The following MAGI2 variants were observed in gnomAD, a reference collection of about 807,000 sequenced individuals.
The protein encoded by MAGI2 is membrane associated guanylate kinase, WW and PDZ domain containing 2, also known as membrane-associated guanylate kinase, WW and PDZ domain-containing protein 2.
In MAGI2, 35 loss-of-function variants were observed where a neutral mutation model predicts 133.3. The observed-to-expected ratio is 0.26, with a 90% CI of 0.20 to 0.35. The LOEUF (loss-of-function observed/expected upper bound fraction) is 0.35. Ranked by LOEUF, MAGI2 falls within the 10% of genes least tolerant of loss-of-function variation. MAGI2 has a pLI of 1.00. For missense variants in MAGI2, 1,636 were observed against 1,863.4 expected, an observed-to-expected ratio of 0.88 and a Z score of 2.25; for synonymous variants, 729 against 710.6, an observed-to-expected ratio of 1.03 and a Z score of -0.41.
chr7:79,369,755 A>G (rs1218069512), intron 1 of MAGI2, among the ~76,000 whole-genome samples: 1 of 152,142 alleles, frequency 6.6e-6, no homozygotes, highest in Non-Finnish European at 1.5e-5. Flanking sequence ...ATTGCTTTTC[A>G]GGTGTTTGTA....
At chr7:78,176,053 G>A (rs894717307) in intron 14 of MAGI2, among the ~76,000 whole-genome samples, 1 of 152,142 alleles carries the variant, frequency 6.6e-6, no homozygotes, top group Non-Finnish European at 1.5e-5. Context: ...AGGGCAGGGA[G>A]GCTGGAGGGC....
intron 2 of MAGI2, among the ~76,000 whole-genome samples, chr7:78,634,458 G>C (rs1809412076): frequency 6.6e-6 from 1 of 152,188 alleles, no homozygotes. Flanking sequence ...TACGTCAATG[G>C]GCAAGGCAGT....
chr7:78,745,629 T>C (rs1013095410), intron 2 of MAGI2, among the ~76,000 whole-genome samples: 2 of 152,208 alleles, frequency 1.3e-5, no homozygotes, highest in Non-Finnish European at 2.9e-5. Flanking sequence ...GAAGAATTAA[T>C]GAGTCAAGTC....
chr7:78,937,169 C>G (rs1800578975), intron 2 of MAGI2, among the ~76,000 whole-genome samples: 1 of 151,736 alleles, frequency 6.6e-6, no homozygotes, highest in Non-Finnish European at 1.5e-5. Context: ...TCAAGGGGTA[C>G]AGAAGCCAGT....
chr7:78,420,268 C>T (rs1798677756), intron 6 of MAGI2, among the ~76,000 whole-genome samples: 1 of 152,122 alleles, frequency 6.6e-6, no homozygotes, highest in South Asian at 2.1e-4. Flanking sequence ...ACAGTCCACA[C>T]CAACTGTTCT....
intron 2 of MAGI2, among the ~76,000 whole-genome samples, chr7:78,743,306 G>A (rs982797850): frequency 6.6e-6 from 1 of 152,140 alleles, no homozygotes; most frequent in African/African-American, 2.4e-5. Flanking sequence ...TGTTTAATGT[G>A]TCTGAAGGCA....
At chr7:78,144,363 T>C (rs1298697598) in intron 16 of MAGI2, among the ~76,000 whole-genome samples, 1 of 152,192 alleles carries the variant, frequency 6.6e-6, no homozygotes, top group Non-Finnish European at 1.5e-5. Flanking sequence ...CTTCTTATTC[T>C]GATAGAGGAT....
intron 13 of MAGI2, among the ~76,000 whole-genome samples, chr7:78,179,255 G>C (rs1324715938): frequency 6.6e-6 from 1 of 152,246 alleles, no homozygotes; most frequent in Non-Finnish European, 1.5e-5. Context: ...AAACAGGATA[G>C]TTGTAGAAAT....
At chr7:78,656,033 A>T (rs1812239089) in intron 2 of MAGI2, among the ~76,000 whole-genome samples, 1 of 151,420 alleles carries the variant, frequency 6.6e-6, no homozygotes, top group Admixed American at 6.6e-5. Flanking sequence ...TTGCTATTGC[A>T]CTTGAGGGAA....
intron 1 of MAGI2, among the ~76,000 whole-genome samples, chr7:79,089,485 C>A (rs1289964050): frequency 2.6e-5 from 4 of 152,012 alleles, no homozygotes; most frequent in African/African-American, 9.7e-5. Flanking sequence ...AATCATGCTA[C>A]TATAAAGACA....
At chr7:78,163,670 G>A (rs1295215311) in intron 15 of MAGI2, among the ~76,000 whole-genome samples, 1 of 152,008 alleles carries the variant, frequency 6.6e-6, no homozygotes, top group Admixed American at 6.6e-5. Context: ...CCTTTGGGAG[G>A]CCGAGGCGGG....
In MAGI2 at chr7:78,350,968, A is replaced by C. The variant is rs529951084; in HGVS notation, c.1104-4925T>G. ...GACACCTTTGCACCTGCAGGTTACT[A>C]TCCTGCTATCTTGACTTCAGTTAAC... On this transcript the variant is annotated intron_variant, in intron 7 of 21. Coordinates refer to ENST00000354212, the MANE Select transcript of MAGI2 (RefSeq NM_012301.4). 3.9e-4 allele frequency among the ~76,000 whole-genome samples: 59 copies of C among 152,306 alleles called. 1 individual carries two copies. In the South Asian group the frequency reaches 0.012, roughly 32 times the overall value.
At chr7:78,962,427 A>G (rs1054097805) in intron 2 of MAGI2, among the ~76,000 whole-genome samples, 2 of 151,458 alleles carry the variant, frequency 1.3e-5, no homozygotes, top group African/African-American at 2.4e-5. Context: ...AAAGGAACAG[A>G]TCATCATAGA....
At chr7:79,120,262 T>C (rs961387954) in intron 1 of MAGI2, among the ~76,000 whole-genome samples, 3 of 152,100 alleles carry the variant, frequency 2.0e-5, no homozygotes, top group Admixed American at 6.6e-5. Flanking sequence ...ATGTTACATA[T>C]GGAATATTTA....
At chr7:78,161,698 A>AAAAAAAAAAAAAAAAAAAAAAAAAT (rs1825028146) in intron 15 of MAGI2, among the ~76,000 whole-genome samples, 1 of 150,976 alleles carries the variant, frequency 6.6e-6, no homozygotes, top group African/African-American at 2.4e-5. Context: ...GAAAAAAAAA[A>AAAAAAAAAAAAAAAAAAAAAAAAAT]AGCTGTATTT....
At chr7:78,420,709 CT>C (rs1377333635) in intron 6 of MAGI2, among the ~76,000 whole-genome samples, 1 of 152,110 alleles carries the variant, frequency 6.6e-6, no homozygotes, top group African/African-American at 2.4e-5. Flanking sequence ...TGTTTCAGTT[CT>C]GATGATCACT....
intron 2 of MAGI2, among the ~76,000 whole-genome samples, chr7:78,690,886 G>A (rs979108379): frequency 3.9e-5 from 6 of 152,128 alleles, no homozygotes; most frequent in African/African-American, 1.2e-4. Flanking sequence ...ATTCCTTCCC[G>A]ATCTTAAATC....
At chr7:78,953,749 C>T (rs551866115) in intron 2 of MAGI2, among the ~76,000 whole-genome samples, 3 of 152,138 alleles carry the variant, frequency 2.0e-5, no homozygotes, top group Admixed American at 6.6e-5. Context: ...GTTGAGATCG[C>T]CGATCATTTT....
intron 20 of MAGI2, among the ~76,000 whole-genome samples, chr7:78,107,166 A>T (rs1308718471): frequency 6.6e-6 from 1 of 151,924 alleles, no homozygotes; most frequent in Admixed American, 6.6e-5. Context: ...TTCCCTGTGG[A>T]TATCTGGATT....
Sources: allele counts gnomAD v4.1 joint callset (sites outside exome capture counted in the v4.1 genomes callset), GRCh38; gene constraint gnomAD v4.1.1; transcripts MANE v1.5; gene names NCBI Gene and HGNC (gene_info 2026-07-23, HGNC 2026-07-21).